SBNO1: variants seen among roughly 807,000 people sequenced by gnomAD.
SBNO1 encodes strawberry notch homolog 1.
SBNO1 carries 23 observed loss-of-function variants against 173.6 expected under a neutral mutation model. That is an observed-to-expected ratio of 0.13 (90% CI 0.10 to 0.19). SBNO1 has a LOEUF of 0.19. SBNO1 is among the 10% of genes least tolerant of loss of function. The pLI, the probability that SBNO1 is intolerant of heterozygous loss-of-function variation, is 1.00. For missense variants in SBNO1, 1,238 were observed against 1,671.2 expected, an observed-to-expected ratio of 0.74 and a Z score of 4.52; for synonymous variants, 632 against 571.5, an observed-to-expected ratio of 1.11 and a Z score of -1.51.
chr12:123,321,946 G>C (rs917777470), intron 16 of SBNO1, among the ~76,000 whole-genome samples: 3 of 152,164 alleles, frequency 2.0e-5, no homozygotes, highest in Non-Finnish European at 4.4e-5. Context: ...AGAAGAAATT[G>C]GATACAAAAG....
rs770093508 is a variant in SBNO1, at chr12:123,309,492, G to A, written c.3534C>T (p.Tyr1178=). Residue 1178 remains tyrosine, a synonymous_variant, in exon 27 of 32, where the codon TAC becomes TAT. Coordinates refer to ENST00000602398, the MANE Select transcript of SBNO1 (RefSeq NM_001167856.3). ...GYSTSGHVEL[Y]TISVERGMSW... ...TCACAACATTTTCTAAACTTACTGT[G>A]TATAATTCTACGTGGCCAGAGGTTG... 13 of 1,610,896 alleles carry A rather than the reference G, an allele frequency of 8.1e-6. No homozygotes were observed. The Admixed American group carries it at 1.5e-4, about 19-fold the overall frequency.
intron 4 of SBNO1, among the ~76,000 whole-genome samples, chr12:123,344,059 C>T (rs1049818560): frequency 6.6e-6 from 1 of 152,200 alleles, no homozygotes; most frequent in Non-Finnish European, 1.5e-5. Flanking sequence ...CATACATCCA[C>T]TCCTTTAAGT....
chr12:123,343,864 T>C (rs371325285), intron 4 of SBNO1, among the ~76,000 whole-genome samples: 35 of 152,300 alleles, frequency 2.3e-4, no homozygotes, highest in African/African-American at 7.9e-4. Flanking sequence ...CTGACCTAGC[T>C]TGACAGTTTC....
chr12:123,327,037 C>T (rs145888800), intron 13 of SBNO1, among the ~76,000 whole-genome samples: 3 of 152,110 alleles, frequency 2.0e-5, no homozygotes, highest in Admixed American at 2.0e-4. Flanking sequence ...ATGGAGTATC[C>T]CTCTGTTACC....
chr12:123,310,172 T>C (rs776737727), intron 25 of SBNO1, among the ~76,000 whole-genome samples: 6 of 152,218 alleles, frequency 3.9e-5, no homozygotes, highest in Admixed American at 6.5e-5. Context: ...ACTATTAGAA[T>C]GTCTGGGAGC....
In SBNO1 at chr12:123,325,554, C is replaced by G; in HGVS notation, c.1921G>C (p.Glu641Gln). The G allele has an allele frequency of 6.2e-7, 1 of 1,613,556 alleles. No homozygotes were observed. Among genetic ancestry groups the G allele is most frequent in the Non-Finnish European group, 8.5e-7 (1 of 1,179,564 alleles). ...LQSTGEARTL[E>Q]ALEEGGGELN... ...TCTCCCCCGCCCTCTTCCAAAGCTT[C>G]TAATGTTCTAGCTTCTCCTGTAGAC... is the stretch of plus-strand genomic sequence containing the variant. Residue 641 changes from glutamate (E) to glutamine (Q), a missense_variant, in exon 15 of 32, where the codon GAA becomes CAA. Glu to Gln is a conservative substitution (Grantham distance 29, BLOSUM62 2). Around this residue, in one of 14 missense-constraint regions of SBNO1, gnomAD observed 182 missense variants for 339.9 expected, o/e 0.54. Transcript: ENST00000602398.
Position 123,350,693 on chromosome 12 carries a change from G to A in SBNO1, c.1-252C>T, listed in dbSNP as rs774515445. 4.3e-4 allele frequency among the ~76,000 whole-genome samples: 66 copies of A among 152,210 alleles called. 1 individual carries two copies. Among genetic ancestry groups the A allele is most frequent in the Non-Finnish European group, 1.3e-4 (9 of 68,046 alleles). On this transcript the variant is annotated intron_variant, in intron 1 of 31. Coordinates refer to ENST00000602398, the MANE Select transcript of SBNO1 (RefSeq NM_001167856.3). ...GCATCTACAAAAGGCTACGGGAACA[G>A]AGAAGGAAATAATGAACTTTGTGGA... is the stretch of plus-strand genomic sequence containing the variant.
Position 123,360,871 on chromosome 12 carries a change from G to A in SBNO1, c.-1+3830C>T, listed in dbSNP as rs147771857. Among the ~76,000 whole-genome samples, 93 of 152,242 alleles carry A rather than the reference G, an allele frequency of 6.1e-4. No individual in the cohort carries two copies. The East Asian group carries it at 0.016, about 26-fold the overall frequency. On this transcript the variant is annotated intron_variant, in intron 1 of 31. Coordinates refer to ENST00000602398, the MANE Select transcript of SBNO1 (RefSeq NM_001167856.3). ...CTCACACGTGTAATCCCAGCATTTT[G>A]GGACGCCAAGGCAGGCAGATCACGA...
In SBNO1 at chr12:123,294,634, CAAAAAAAAAAAAAAAA is replaced by C. The variant is rs143013489; in HGVS notation, c.*1258_*1273del. ...TTTTCAATAGTGCAACCTGTGGAAG[CAAAAAAAAAAAAAAAA>C]AAAAAAAAAAAGAAAAAAAGAAAAG... On this transcript the variant is annotated 3_prime_UTR_variant, in exon 32 of 32. Coordinates refer to ENST00000602398, the MANE Select transcript of SBNO1 (RefSeq NM_001167856.3). 2 of 59,958 alleles carry C rather than the reference CAAAAAAAAAAAAAAAA, an allele frequency of 3.3e-5. No homozygotes were observed. The allele number at this position is 59,958 out of a possible 1,614,324, so 3.7% of individuals were successfully genotyped here. A position where few individuals can be genotyped will look rare whatever the true frequency, so the allele number is the denominator to read the frequency against.
At chr12:123,334,334 T>C in intron 6 of SBNO1, 121 bp from the exon 7 acceptor site, 1 of 650,190 alleles carries the variant, frequency 1.5e-6, no homozygotes, top group Middle Eastern at 4.3e-4. Context: ...AAGTATTCAC[T>C]CTGAGCTTCC....
rs1870276642 is a variant in SBNO1, at chr12:123,323,662, C to T, written c.2125+18G>A. ...AGCCACCGCACCTGGCCTATTTTTT[C>T]TTTTTTAAAGTGCTCACCTTTCCGC... On this transcript the variant is annotated intron_variant, in intron 16 of 31. Transcript: ENST00000602398. The T allele has an allele frequency of 3.2e-6, 5 of 1,573,008 alleles. No individual in the cohort carries two copies. In the Admixed American group the frequency reaches 7.6e-5, roughly 24 times the overall value.
At chr12:123,309,434 T>C in intron 27 of SBNO1, 32 bp from the exon 28 acceptor site, 1 of 1,603,328 alleles carries the variant, frequency 6.2e-7, no homozygotes, top group Non-Finnish European at 8.5e-7. Context: ...TTAAACTCAT[T>C]TCTGTAAATG....
In SBNO1 at chr12:123,364,690, G is replaced by A; in HGVS notation, c.-1+11C>T. 3 of 981,896 alleles carry A rather than the reference G, an allele frequency of 3.1e-6. No homozygotes were observed. The highest frequency in any genetic ancestry group is 3.6e-6 in the Non-Finnish European group (3 of 828,048). 60.8% of individuals were successfully genotyped at this position (981,896 alleles called of 1,614,324 possible). A position where few individuals can be genotyped will look rare whatever the true frequency, so the allele number is the denominator to read the frequency against. ...GTGTGGAAGGAGAAAAGGGCCAAGG[G>A]AAGGACTTACTTTCCCCGCGGGACC... On this transcript the variant is annotated intron_variant, in intron 1 of 31. Coordinates refer to ENST00000602398, the MANE Select transcript of SBNO1 (RefSeq NM_001167856.3).
In SBNO1 at chr12:123,364,803, G is replaced by A. The variant is rs1043302986; in HGVS notation, c.-103C>T. 2.0e-5 allele frequency: 20 copies of A among 987,892 alleles called. No homozygotes were observed. Among genetic ancestry groups the A allele is most frequent in the African/African-American group, 5.2e-5 (3 of 57,176 alleles). The allele number at this position is 987,892 out of a possible 1,614,324, so 61.2% of individuals were successfully genotyped here. Reference sequence around the variant, plus strand: ...AGGCGGCGGTGGCGGCGGCAGCAGCGGCGTCCTGCTCTGCCTACCTCCCCG... The same window carrying A: ...AGGCGGCGGTGGCGGCGGCAGCAGCAGCGTCCTGCTCTGCCTACCTCCCCG... On this transcript the variant is annotated 5_prime_UTR_variant, in exon 1 of 32. Transcript: ENST00000602398.
At chr12:123,353,635 T>C (rs1874125055) in intron 1 of SBNO1, among the ~76,000 whole-genome samples, 1 of 152,198 alleles carries the variant, frequency 6.6e-6, no homozygotes, top group Non-Finnish European at 1.5e-5. Flanking sequence ...CTAATTTTTC[T>C]AATATAGACA....
intron 31 of SBNO1, 116 bp from the exon 32 acceptor site, chr12:123,296,166 C>A (rs968828957): frequency 1.7e-3 from 968 of 563,236 alleles, no homozygotes; most frequent in Middle Eastern, 3.2e-3. Context: ...GAAGTTCACA[C>A]AAAAATTAAA....
intron 4 of SBNO1, among the ~76,000 whole-genome samples, chr12:123,343,836 C>A (rs1005989735): frequency 6.6e-6 from 1 of 152,038 alleles, no homozygotes; most frequent in Non-Finnish European, 1.5e-5. Context: ...GCGTCCGGCC[C>A]ATCTTTGTTT....
chr12:123,364,419 A>G, intron 1 of SBNO1: 2 of 985,494 alleles, frequency 2.0e-6, no homozygotes, highest in South Asian at 9.4e-5. Context: ...CCGGCCCGGG[A>G]CAGCGGGGCT....
chr12:123,321,470 T>C, intron 17 of SBNO1, 65 bp downstream of exon 17: 1 of 1,167,170 alleles, frequency 8.6e-7, no homozygotes. Context: ...AAAGGTTTCA[T>C]ATCCCATTTT....
Sources: gnomAD v4.1 joint callset for allele counts (sites outside exome capture counted in the v4.1 genomes callset) on GRCh38, gnomAD v4.1.1 for gene constraint, gnomAD v4.1.1 regional missense constraint, MANE v1.5 for transcripts, NCBI Gene and HGNC (gene_info 2026-07-23, HGNC 2026-07-21) for gene names.